The following ARHGAP39 variants were observed in gnomAD, a reference collection of about 807,000 sequenced individuals.
ARHGAP39 encodes the protein rho GTPase-activating protein 39.
Under a neutral mutation model 106.9 loss-of-function variants are expected in ARHGAP39, and 44 were observed. The observed-to-expected ratio is 0.41, with a 90% confidence interval of 0.32 to 0.53. The LOEUF is 0.53. ARHGAP39 is among the 20% of genes least tolerant of loss of function. ARHGAP39 has a pLI of 0.21. For missense variants in ARHGAP39, 1,496 were observed against 1,577.3 expected, an observed-to-expected ratio of 0.95 and a Z score of 0.87; for synonymous variants, 768 against 693.2, an observed-to-expected ratio of 1.11 and a Z score of -1.69.
At chr8:144,598,418 AAG>A (rs1819713721) in intron 2 of ARHGAP39, among the ~76,000 whole-genome samples, 1 of 152,194 alleles carries the variant, frequency 6.6e-6, no homozygotes, top group African/African-American at 2.4e-5. Context: ...GAAGGAGCAG[AAG>A]AGACTCTCGA....
chr8:144,687,983 A>ACATT (rs1563739851), upstream of ARHGAP39, among the ~76,000 whole-genome samples: 1 of 147,956 alleles, frequency 6.8e-6, no homozygotes, highest in Non-Finnish European at 1.5e-5. Flanking sequence ...CCGTGACCAC[A>ACATT]TACTAGCGGT....
intron 1 of ARHGAP39, among the ~76,000 whole-genome samples, chr8:144,673,148 T>A (rs1188493958): frequency 6.7e-6 from 1 of 150,262 alleles, no homozygotes; most frequent in Non-Finnish European, 1.5e-5. Context: ...GCCCAGGAGG[T>A]CAAAGATACA....
chr8:144,609,582 T>C (rs1820417234), intron 1 of ARHGAP39, among the ~76,000 whole-genome samples: 1 of 152,000 alleles, frequency 6.6e-6, no homozygotes, highest in South Asian at 2.1e-4. Flanking sequence ...TTTTGTATAT[T>C]TGGTAGAGAC....
intron 1 of ARHGAP39, among the ~76,000 whole-genome samples, chr8:144,617,553 C>G (rs1820669955): frequency 2.0e-5 from 3 of 151,582 alleles, no homozygotes; most frequent in South Asian, 4.2e-4. Flanking sequence ...GAGAGCCCAG[C>G]CTTGGCCCCA....
intron 4 of ARHGAP39, among the ~76,000 whole-genome samples, chr8:144,554,859 C>T (rs1817856537): frequency 1.3e-5 from 2 of 152,254 alleles, no homozygotes; most frequent in African/African-American, 2.4e-5. Flanking sequence ...GCTGTTCAAT[C>T]GTCTGTGCAG....
chr8:144,530,636 G>A lies in ARHGAP39; in HGVS notation c.3151-20C>T, dbSNP rs573624824. The A allele has an allele frequency of 4.3e-4, 665 of 1,543,238 alleles. 6 individuals carry two copies. In the South Asian group the frequency reaches 7.5e-3, roughly 17 times the overall value. On this transcript the variant is annotated intron_variant, in intron 11 of 11. Transcript: ENST00000377307. ...GAAGACCTGGTGGAGGAGCGAGGGT[G>A]GGCGCGGAGGGGCGGGGGCGGGGCG...
rs1024442288 is a variant in ARHGAP39 at position 144,670,569 on chromosome 8, T to C, written c.-82+15117A>G. On this transcript the variant is annotated intron_variant, in intron 1 of 11. Transcript: ENST00000377307. The surrounding 1 kb of genome is among the most constrained non-coding windows in gnomAD (Gnocchi z 4.4). Reference sequence around the variant, plus strand: ...GGGCTCTTGGTGCAGTCTGGCTGGCTGCCTCACTTGTCCTGCCTCCCGCCC... The same window carrying C: ...GGGCTCTTGGTGCAGTCTGGCTGGCCGCCTCACTTGTCCTGCCTCCCGCCC... Among the ~76,000 whole-genome samples, 4 of 152,164 alleles carry C rather than the reference T, an allele frequency of 2.6e-5. No homozygotes were observed. Among genetic ancestry groups the C allele is most frequent in the Admixed American group, 1.3e-4 (2 of 15,274 alleles).
intron 3 of ARHGAP39, among the ~76,000 whole-genome samples, chr8:144,564,174 A>C (rs982339332): frequency 6.6e-6 from 1 of 152,228 alleles, no homozygotes; most frequent in African/African-American, 2.4e-5. Context: ...CTCTGTGTAA[A>C]AAGACATTTT....
chr8:144,621,394 CA>C (rs1455899670), intron 1 of ARHGAP39, among the ~76,000 whole-genome samples: 2 of 152,238 alleles, frequency 1.3e-5, no homozygotes, highest in Non-Finnish European at 2.9e-5. Flanking sequence ...GGGAAAACCA[CA>C]AACCCCAGGA....
chr8:144,595,417 G>A (rs540657744), intron 2 of ARHGAP39, among the ~76,000 whole-genome samples: 1 of 152,348 alleles, frequency 6.6e-6, no homozygotes, highest in East Asian at 1.9e-4. Context: ...CCCGAGGCTG[G>A]GGAGAGGCTG....
chr8:144,568,436 G>A (rs1403507698), intron 3 of ARHGAP39, among the ~76,000 whole-genome samples: 1 of 149,304 alleles, frequency 6.7e-6, no homozygotes, highest in African/African-American at 2.4e-5. Context: ...AATGTTACAT[G>A]AAGTCCTTGA....
intron 1 of ARHGAP39, among the ~76,000 whole-genome samples, chr8:144,675,192 C>A (rs530158656): frequency 6.6e-6 from 1 of 152,206 alleles, no homozygotes; most frequent in Non-Finnish European, 1.5e-5. Context: ...AGACAAGCCA[C>A]CAATGCCATT....
At chr8:144,605,327 G>A (rs987176383) in intron 2 of ARHGAP39, among the ~76,000 whole-genome samples, 5 of 152,200 alleles carry the variant, frequency 3.3e-5, no homozygotes, top group South Asian at 2.1e-4. Flanking sequence ...GACGAATCAT[G>A]GCGACCCGCA....
In ARHGAP39 at chr8:144,597,456, C is replaced by G. The variant is rs535189118; in HGVS notation, c.80+8079G>C. ...GGGGAGGAACACAGGACACAGACAGCGAGCTGCCAGGAAGCCAAGGAAGCC... is the reference window on the plus strand; with the variant it reads ...GGGGAGGAACACAGGACACAGACAGGGAGCTGCCAGGAAGCCAAGGAAGCC... On this transcript the variant is annotated intron_variant, in intron 2 of 11. Transcript: ENST00000377307. 1.9e-4 allele frequency among the ~76,000 whole-genome samples: 29 copies of G among 152,324 alleles called. No individual in the cohort carries two copies. In the East Asian group the frequency reaches 5.2e-3, roughly 27 times the overall value.
At chr8:144,678,835 T>C (rs911604745) in intron 1 of ARHGAP39, among the ~76,000 whole-genome samples, 3 of 152,150 alleles carry the variant, frequency 2.0e-5, no homozygotes, top group African/African-American at 7.2e-5. Flanking sequence ...GCCCTGTTTA[T>C]ATCATCTGAG....
chr8:144,674,443 G>A (rs1008090654), intron 1 of ARHGAP39, among the ~76,000 whole-genome samples: 1 of 152,240 alleles, frequency 6.6e-6, no homozygotes, highest in African/African-American at 2.4e-5. Context: ...CCTGAGTCTG[G>A]CTGAGTCCAG....
intron 1 of ARHGAP39, among the ~76,000 whole-genome samples, chr8:144,617,578 GAA>G (rs1260220802): frequency 8.8e-6 from 1 of 113,804 alleles, no homozygotes; most frequent in Non-Finnish European, 1.8e-5. Context: ...ATAAGAAACT[GAA>G]AAGACAAAAA....
At position 144,679,216 on chromosome 8, in the gene ARHGAP39, T is replaced by C. The variant is rs1256324571; in HGVS notation, c.-82+6470A>G. Among the ~76,000 whole-genome samples the C allele has an allele frequency of 6.6e-6, 1 of 152,208 alleles. No homozygotes were observed. Among genetic ancestry groups the C allele is most frequent in the Non-Finnish European group, 1.5e-5 (1 of 68,030 alleles). ...AGCTGCACCTTCAGTCATGGTGAGATGGCCCAGACAGCAGGTACGGGCTCC... is the reference window on the plus strand; with the variant it reads ...AGCTGCACCTTCAGTCATGGTGAGACGGCCCAGACAGCAGGTACGGGCTCC... On this transcript the variant is annotated intron_variant, in intron 1 of 11. Transcript: ENST00000377307. The surrounding 1 kb of genome is among the most constrained non-coding windows in gnomAD (Gnocchi z 4.7).
chr8:144,529,227 A>C lies in ARHGAP39; in HGVS notation c.*1195T>G, dbSNP rs928170920. ...ACTCGTGTCGTCGCCTCTCGGGTCC[A>C]TGCGTCGGGGCGAGCGTCTCAGCCG... On this transcript the variant is annotated 3_prime_UTR_variant, in exon 12 of 12. Transcript: ENST00000377307. 14 of 260,794 alleles carry C rather than the reference A, an allele frequency of 5.4e-5. No homozygotes were observed. Among genetic ancestry groups the C allele is most frequent in the African/African-American group, 2.9e-4 (13 of 44,442 alleles). 16.2% of individuals were successfully genotyped at this position (260,794 alleles called of 1,614,324 possible).
Sources: gnomAD v4.1 joint callset for allele counts (sites outside exome capture counted in the v4.1 genomes callset) on GRCh38, gnomAD v4.1.1 for gene constraint, Gnocchi (gnomAD v3.1) non-coding constraint, MANE v1.5 for transcripts, NCBI Gene and HGNC (gene_info 2026-07-23, HGNC 2026-07-21) for gene names.